KIAA1217: variants seen among roughly 807,000 people sequenced by gnomAD.
KIAA1217 encodes KIAA1217.
In KIAA1217, 88 loss-of-function variants were observed where a neutral mutation model predicts 163.9. The observed-to-expected ratio is 0.54, with a 90% CI of 0.45 to 0.64. The LOEUF is 0.64. Ranked by LOEUF, KIAA1217 falls within the 30% of genes least tolerant of loss-of-function variation. The pLI is 0.00. For synonymous variants in KIAA1217, 903 were observed against 923.1 expected (o/e 0.98, Z 0.39); for missense variants, 2,372 against 2,475.0 (o/e 0.96, Z 0.88).
chr10:24,478,923 G>A (rs570328678), intron 6 of KIAA1217, among the ~76,000 whole-genome samples: 15 of 152,272 alleles, frequency 9.9e-5, no homozygotes, highest in African/African-American at 3.4e-4. Context: ...CCTTGCCTTC[G>A]AAATATGTAA....
At chr10:23,914,742 G>A (rs182028160) in intron 1 of KIAA1217, among the ~76,000 whole-genome samples, 109 of 152,178 alleles carry the variant, frequency 7.2e-4, no homozygotes, top group African/African-American at 2.2e-3. Context: ...TGTAAATACC[G>A]GTGCAACACC....
At chr10:24,021,609 T>C (rs1215929883) in intron 2 of KIAA1217, among the ~76,000 whole-genome samples, 1 of 151,976 alleles carries the variant, frequency 6.6e-6, no homozygotes, top group African/African-American at 2.4e-5. Context: ...AAAGTTTACA[T>C]GAAAGGCAAA....
intron 2 of KIAA1217, among the ~76,000 whole-genome samples, chr10:24,354,452 A>G (rs2048832706): frequency 6.6e-6 from 1 of 152,206 alleles, no homozygotes; most frequent in South Asian, 2.1e-4. Context: ...TGGGCATGTT[A>G]CCATGCTCTT....
At chr10:23,974,626 A>G (rs1845461146) in intron 1 of KIAA1217, among the ~76,000 whole-genome samples, 1 of 152,076 alleles carries the variant, frequency 6.6e-6, no homozygotes, top group Non-Finnish European at 1.5e-5. Flanking sequence ...ACTTGAGACC[A>G]TCCTGGGCAA....
intron 5 of KIAA1217, among the ~76,000 whole-genome samples, chr10:24,442,163 C>T (rs2060549012): frequency 6.6e-6 from 1 of 152,092 alleles, no homozygotes; most frequent in African/African-American, 2.4e-5. Flanking sequence ...TAACTGCTGC[C>T]TCCCACCCCT....
intron 2 of KIAA1217, among the ~76,000 whole-genome samples, chr10:24,265,268 G>A (rs2076126765): frequency 1.3e-5 from 2 of 152,138 alleles, no homozygotes; most frequent in South Asian, 4.1e-4. Context: ...GGTCTTTCAC[G>A]TGGTTTCAGA....
At chr10:23,731,985 ATTG>A (rs1305240688) in intron 1 of KIAA1217, among the ~76,000 whole-genome samples, 1 of 152,072 alleles carries the variant, frequency 6.6e-6, no homozygotes, top group Non-Finnish European at 1.5e-5. Flanking sequence ...CTTGTTATAC[ATTG>A]TTGGATTTGA....
chr10:24,079,062 G>C (rs2061458105), intron 2 of KIAA1217, among the ~76,000 whole-genome samples: 1 of 152,222 alleles, frequency 6.6e-6, no homozygotes, highest in African/African-American at 2.4e-5. Flanking sequence ...GGAGACGGCT[G>C]CTGGCAGAGC....
intron 2 of KIAA1217, among the ~76,000 whole-genome samples, chr10:24,073,728 TC>T (rs1307008570): frequency 1.3e-5 from 2 of 152,110 alleles, no homozygotes; most frequent in Admixed American, 1.3e-4. Flanking sequence ...CCTCTGAACT[TC>T]CAGAGCAGAG....
chr10:24,433,626 C>T (rs557410025), intron 4 of KIAA1217, among the ~76,000 whole-genome samples: 64 of 151,844 alleles, frequency 4.2e-4, no homozygotes, highest in Admixed American at 1.8e-3. Context: ...AAAAAGGTAG[C>T]GGAGAGACCT....
intron 17 of KIAA1217, chr10:24,542,483 G>C: frequency 7.2e-7 from 1 of 1,395,654 alleles, no homozygotes; most frequent in Non-Finnish European, 9.3e-7. Flanking sequence ...TGCTAATTGA[G>C]ATTTTCATCT....
At chr10:24,325,470 G>A (rs1411632139) in intron 2 of KIAA1217, among the ~76,000 whole-genome samples, 1 of 152,186 alleles carries the variant, frequency 6.6e-6, no homozygotes, top group Admixed American at 6.5e-5. Flanking sequence ...GTTCCAGCCT[G>A]TCAACCCACA....
intron 1 of KIAA1217, among the ~76,000 whole-genome samples, chr10:23,819,943 C>G (rs1247418438): frequency 1.3e-5 from 2 of 152,132 alleles, no homozygotes; most frequent in African/African-American, 2.4e-5. Flanking sequence ...ATTCTCTAAG[C>G]TCTAAAGATC....
chr10:24,255,629 GC>G (rs548175638), intron 2 of KIAA1217: 6 of 433,388 alleles, frequency 1.4e-5, no homozygotes, highest in Non-Finnish European at 2.3e-5. Context: ...GGGTTTCCCT[GC>G]CCCCCCTGGG....
Position 23,918,686 on chromosome 10 carries a change from A to C in KIAA1217, c.-320-88539A>C, listed in dbSNP as rs1842721692. On this transcript the variant is annotated intron_variant, in intron 1 of 18. Coordinates refer to the KIAA1217 transcript ENST00000376462. ...CACTGGATGGACCATGAATAATTTCATACCCACAGATAGTGGCAATAGTGT... is the reference window on the plus strand; with the variant it reads ...CACTGGATGGACCATGAATAATTTCCTACCCACAGATAGTGGCAATAGTGT... Among the ~76,000 whole-genome samples, 7 of 152,064 alleles carry C rather than the reference A, an allele frequency of 4.6e-5. No individual in the cohort carries two copies. In the South Asian group the frequency reaches 1.5e-3, roughly 32 times the overall value.
At chr10:23,810,918 AATAATATAGT>A (rs1836996934) in intron 1 of KIAA1217, among the ~76,000 whole-genome samples, 1 of 119,304 alleles carries the variant, frequency 8.4e-6, no homozygotes, top group African/African-American at 3.6e-5. Flanking sequence ...TATATAGTAT[AATAATATAGT>A]ATATATACTA....
At position 24,473,281 on chromosome 10, in the gene KIAA1217, C is replaced by G; in HGVS notation, c.900C>G (p.Pro300=). The change falls in exon 6 of 21, where the codon CCC becomes CCG. Residue 300 remains proline, a synonymous_variant. Transcript: ENST00000376454. ...ARGDGPGAPR[P]GSTAHPPHAI... ...GAGATGGCCCTGGGGCCCCTCGCCC[C>G]GGATCTACTGCTCATCCACCCCATG... is the stretch of plus-strand genomic sequence containing the variant. The G allele has an allele frequency of 3.3e-6, 5 of 1,526,438 alleles. No homozygotes were observed. Among genetic ancestry groups the G allele is most frequent in the Non-Finnish European group, 4.4e-6 (5 of 1,138,366 alleles). 94.6% of individuals were successfully genotyped at this position (1,526,438 alleles called of 1,614,324 possible). A position where few individuals can be genotyped will look rare whatever the true frequency, so the allele number is the denominator to read the frequency against.
chr10:24,371,282 C>T (rs1019913903), intron 2 of KIAA1217, among the ~76,000 whole-genome samples: 2 of 152,140 alleles, frequency 1.3e-5, no homozygotes, highest in African/African-American at 4.8e-5. Context: ...ACAGATTTAG[C>T]AGCTCCTCTA....
Position 24,230,506 on chromosome 10 carries a change from T to TG in KIAA1217, c.354+10597_354+10598insG, listed in dbSNP as rs566662790. Reference sequence around the variant, plus strand: ...GTAGGCACTACTATTTGTTTTGTTTTTTTTTTTTTTTTTTTTTGAGACAGA... The same window carrying TG: ...GTAGGCACTACTATTTGTTTTGTTTTGTTTTTTTTTTTTTTTTTGAGACAGA... On this transcript the variant is annotated intron_variant, in intron 2 of 20. Transcript: ENST00000376454. Among the ~76,000 whole-genome samples, 1,221 of 136,728 alleles carry TG rather than the reference T, an allele frequency of 8.9e-3. 16 individuals carry two copies. The highest frequency in any genetic ancestry group is 0.03 in the African/African-American group (1,084 of 35,830). 89.7% of individuals were successfully genotyped at this position (136,728 alleles called of 152,430 possible). A position where few individuals can be genotyped will look rare whatever the true frequency, so the allele number is the denominator to read the frequency against.
Sources: allele counts gnomAD v4.1 joint callset (sites outside exome capture counted in the v4.1 genomes callset), GRCh38; gene constraint gnomAD v4.1.1; transcripts MANE v1.5; gene names NCBI Gene and HGNC (gene_info 2026-07-23, HGNC 2026-07-21).